Variants in ELF4 observed in about 807,000 individuals in gnomAD.
ELF4 encodes the protein ETS-related transcription factor Elf-4.
ELF4 carries 10 observed loss-of-function variants against 31.7 expected under a neutral mutation model. The observed-to-expected ratio is 0.32, with a 90% CI of 0.19 to 0.54. The LOEUF (loss-of-function observed/expected upper bound fraction) is 0.54, where lower values mean the gene tolerates loss of function less well. ELF4 is among the 20% of genes least tolerant of loss of function. ELF4 has a pLI of 0.95. For missense variants in ELF4, 418 were observed against 522.0 expected (o/e 0.80, Z 1.94); for synonymous variants, 208 against 226.7 (o/e 0.92, Z 0.74).
chrX:130,070,161 C>T (rs888703033), intron 7 of ELF4, among the ~76,000 whole-genome samples: 5 of 111,883 alleles, frequency 4.5e-5, no homozygotes, highest in South Asian at 3.7e-4. Flanking sequence ...GGAGGCCAGG[C>T]GCGGTGGCTC....
intron 1 of ELF4, among the ~76,000 whole-genome samples, chrX:130,095,508 C>T (rs1458879287): frequency 1.8e-5 from 2 of 111,732 alleles, no homozygotes; most frequent in Non-Finnish European, 3.8e-5. Context: ...TCAAGGCTGG[C>T]TCACAGCTCT....
At chrX:130,069,992 G>A (rs1268364061) in intron 7 of ELF4, among the ~76,000 whole-genome samples, 2 of 112,220 alleles carry the variant, frequency 1.8e-5, no homozygotes, top group African/African-American at 6.5e-5. Flanking sequence ...AACTGAGAGT[G>A]AGGGGATGGA....
intron 1 of ELF4, among the ~76,000 whole-genome samples, chrX:130,094,104 C>T (rs757780592): frequency 3.2e-4 from 36 of 111,611 alleles, no homozygotes; most frequent in Non-Finnish European, 5.6e-5. Flanking sequence ...TGGTGGCTCA[C>T]GCCTGTAATC....
chrX:130,087,672 T>G (rs1316780629), intron 1 of ELF4, among the ~76,000 whole-genome samples: 1 of 110,890 alleles, frequency 9.0e-6, no homozygotes, highest in Non-Finnish European at 1.9e-5. Context: ...TTCACCATGT[T>G]AGCCAGGCTG....
In ELF4 at chrX:130,067,431, G is replaced by A. The variant is rs1932711126; in HGVS notation, c.1282C>T (p.Leu428=). Residue 428 remains leucine (L), a synonymous_variant, in exon 9 of 9, where the codon CTG becomes TTG. Coordinates refer to ENST00000308167, the MANE Select transcript of ELF4 (RefSeq NM_001421.4). ...TLQTIPLTTV[L]TNGPPASTTA... ...GTACTGGCAGGAGGCCCATTGGTCA[G>A]CACCGTGGTCAGTGGGATCGTCTGC... 1 of 1,212,183 alleles carries A rather than the reference G, an allele frequency of 8.2e-7. No homozygotes were observed. The highest frequency in any genetic ancestry group is 2.2e-5 in the Admixed American group (1 of 46,122).
chrX:130,105,915 G>A (rs369242362), intron 1 of ELF4, among the ~76,000 whole-genome samples: 1 of 105,734 alleles, frequency 9.5e-6, no homozygotes, highest in South Asian at 4.3e-4. Flanking sequence ...GTAAGGGAGG[G>A]GTTTCAAACG....
chrX:130,078,061 T>G (rs1261727710), intron 2 of ELF4, among the ~76,000 whole-genome samples: 1 of 109,629 alleles, frequency 9.1e-6, no homozygotes, highest in African/African-American at 3.3e-5. Flanking sequence ...TTTTTTTTTT[T>G]TGGAGACAGA....
intron 7 of ELF4, among the ~76,000 whole-genome samples, chrX:130,069,879 A>G (rs112696119): frequency 2.0e-4 from 22 of 112,631 alleles, no homozygotes; most frequent in Admixed American, 7.5e-4. Context: ...GACATTCCTG[A>G]GATTTCCCCC....
chrX:130,066,780 C>T lies in ELF4; in HGVS notation c.1933G>A (p.Ala645Thr). The T allele has an allele frequency of 8.3e-7, 1 of 1,208,663 alleles. No homozygotes were observed. ...GSLLTRSPTP[A>T]PFSPFNPTSL... ...GTAGGGTTGAATGGGGAGAAAGGGGCTGGGGTGGGGGATCTTGTCAGAAGG... is the reference window on the plus strand; with the variant it reads ...GTAGGGTTGAATGGGGAGAAAGGGGTTGGGGTGGGGGATCTTGTCAGAAGG... The change falls in exon 9 of 9, where the codon GCC (alanine) becomes ACC (threonine). Residue 645 changes from alanine to threonine, a missense_variant. Around this residue, in one of 4 missense-constraint regions of ELF4, gnomAD observed 260 missense variants for 269.2 expected, o/e 0.97. Coordinates refer to ENST00000308167, the MANE Select transcript of ELF4 (RefSeq NM_001421.4).
At chrX:130,095,561 A>G (rs1933134634) in intron 1 of ELF4, among the ~76,000 whole-genome samples, 1 of 111,283 alleles carries the variant, frequency 9.0e-6, no homozygotes, top group African/African-American at 3.3e-5. Flanking sequence ...GCTTCAACAG[A>G]GGCTTCCCAG....
At position 130,069,534 on chromosome X, in the gene ELF4, G is replaced by A. The variant is rs772913926; in HGVS notation, c.953C>T (p.Thr318Met). 15 of 1,211,944 alleles carry A rather than the reference G, an allele frequency of 1.2e-5. No homozygotes were observed. The highest frequency in any genetic ancestry group is 5.9e-5 in the East Asian group (2 of 33,852). ...GGTACTGGCAGAGGCCACAGAGGCC[G>A]TGGAGGCCTGAGGTGGGGCTGCTGT... ...EATAAPPQAS[T>M]ASVASASTTR... The change falls in exon 8 of 9, where the codon ACG (threonine) becomes ATG (methionine). Residue 318 changes from threonine (T) to methionine (M), a missense_variant. Transcript: ENST00000308167.
In ELF4 at chrX:130,065,197, T is replaced by TAATA. The variant is rs1371324433; in HGVS notation, c.*1520_*1523dup. On this transcript the variant is annotated 3_prime_UTR_variant, in exon 9 of 9. Transcript: ENST00000308167. ...ATTCACATTACCCAAAGTCACCAGA[T>TAATA]AATAGAGTTGTTTCCGTGGCTGACA... 1 of 173,332 alleles carries TAATA rather than the reference T, an allele frequency of 5.8e-6. No individual in the cohort carries two copies. 14.3% of individuals were successfully genotyped at this position (173,332 alleles called of 1,213,427 possible).
intron 3 of ELF4, among the ~76,000 whole-genome samples, 156 bp from the exon 4 acceptor site, chrX:130,074,297 G>A (rs950969158): frequency 5.4e-5 from 6 of 110,983 alleles, no homozygotes; most frequent in African/African-American, 2.0e-4. Flanking sequence ...GAGAAACAGG[G>A]GACCCTGACC....
chrX:130,083,679 T>C (rs1932918893), intron 1 of ELF4, among the ~76,000 whole-genome samples: 1 of 111,871 alleles, frequency 8.9e-6, no homozygotes, highest in African/African-American at 3.3e-5. Flanking sequence ...GACAGGGGCT[T>C]CCTTGAGGGC....
At chrX:130,110,877 C>G (rs1372903388), upstream of ELF4, among the ~76,000 whole-genome samples, 6 of 1,094 alleles carry the variant, frequency 5.5e-3, no homozygotes, top group Non-Finnish European at 0.017. Context: ...AACGAGCGAG[C>G]GAAAGGGGAA....
chrX:130,073,312 C>T (rs746817645), intron 4 of ELF4, among the ~76,000 whole-genome samples: 74 of 111,148 alleles, frequency 6.7e-4, no homozygotes, highest in African/African-American at 2.4e-3. Flanking sequence ...CAGTCTCGAA[C>T]TCCTGACCTC....
In ELF4 at chrX:130,069,510, G is replaced by T; in HGVS notation, c.977C>A (p.Thr326Asn). 1 of 1,212,460 alleles carries T rather than the reference G, an allele frequency of 8.2e-7. No individual in the cohort carries two copies. Among genetic ancestry groups the T allele is most frequent in the Non-Finnish European group, 1.1e-6 (1 of 895,596 alleles). The change falls in exon 8 of 9, where the codon ACC (threonine) becomes AAC (asparagine). Residue 326 changes from threonine to asparagine, a missense_variant. This residue lies in a region of ELF4 where 260 missense variants were observed against 269.2 expected (regional missense o/e 0.97). Transcript: ENST00000308167. ...GACCCTGGAGCTGGTTCGCCGGGTG[G>T]TACTGGCAGAGGCCACAGAGGCCGT... ...ASTASVASAS[T>N]TRRTSSRVSS... is the part of the protein sequence containing the mutation.
chrX:130,096,140 T>C (rs1196416746), intron 1 of ELF4, among the ~76,000 whole-genome samples: 1 of 111,866 alleles, frequency 8.9e-6, no homozygotes, highest in Non-Finnish European at 1.9e-5. Context: ...CTAATGGGTA[T>C]GGGATTTCTT....
intron 2 of ELF4, among the ~76,000 whole-genome samples, chrX:130,078,760 T>A (rs1177623170): frequency 4.7e-4 from 36 of 76,452 alleles, no homozygotes; most frequent in African/African-American, 1.8e-3. Context: ...TCTCTCTCTC[T>A]CTACACACAC....
Sources: allele counts gnomAD v4.1 joint callset (sites outside exome capture counted in the v4.1 genomes callset), GRCh38; gene constraint gnomAD v4.1.1; regional missense constraint gnomAD v4.1.1; transcripts MANE v1.5; gene names NCBI Gene and HGNC (gene_info 2026-07-23, HGNC 2026-07-21).